Variants in MGAT4D observed in about 807,000 individuals in gnomAD.
MGAT4D encodes the protein MGAT4 family member D.
In MGAT4D, 34 loss-of-function variants were observed where a neutral mutation model predicts 15.9. That is an observed-to-expected ratio of 2.14 (90% CI 1.62 to 2.84). The LOEUF is 2.84. Ranked by LOEUF, MGAT4D falls within the 30% of genes most tolerant of loss-of-function variation. The pLI is 0.00. For synonymous variants in MGAT4D, 112 were observed against 48.2 expected (o/e 2.33, Z -5.49); for missense variants, 327 against 140.2 (o/e 2.33, Z -6.73).
intron 1 of MGAT4D, among the ~76,000 whole-genome samples, chr4:140,496,934 A>C (rs1271028126): frequency 6.6e-6 from 1 of 152,242 alleles, no homozygotes; most frequent in Non-Finnish European, 1.5e-5. Context: ...ATTGTGCTAA[A>C]ATAGACATTT....
At chr4:140,493,533 G>C (rs1733644546) in intron 1 of MGAT4D, among the ~76,000 whole-genome samples, 1 of 151,876 alleles carries the variant, frequency 6.6e-6, no homozygotes, top group Admixed American at 6.6e-5. Context: ...CTGACCTCGT[G>C]ATCTGCCCAC....
chr4:140,485,309 C>A (rs957282560), intron 1 of MGAT4D, among the ~76,000 whole-genome samples: 3 of 151,932 alleles, frequency 2.0e-5, no homozygotes, highest in Non-Finnish European at 4.4e-5. Flanking sequence ...GGACAAAAAA[C>A]CAAACACTGC....
chr4:140,484,817 G>A (rs1209828313), intron 1 of MGAT4D, among the ~76,000 whole-genome samples: 3 of 152,164 alleles, frequency 2.0e-5, no homozygotes, highest in African/African-American at 7.2e-5. Flanking sequence ...ATCATTACTG[G>A]CCATCAGAGA....
chr4:140,477,506 A>G (rs1422801262), intron 3 of MGAT4D, among the ~76,000 whole-genome samples: 2 of 152,340 alleles, frequency 1.3e-5, no homozygotes, highest in African/African-American at 4.8e-5. Flanking sequence ...TCACATTACA[A>G]ATCAGTTATG....
At chr4:140,445,627 T>C (rs187254999) in intron 10 of MGAT4D, among the ~76,000 whole-genome samples, 6 of 152,296 alleles carry the variant, frequency 3.9e-5, no homozygotes, top group Non-Finnish European at 7.4e-5. Context: ...GAATGGTATT[T>C]CCTAGGTTAT....
At chr4:140,452,007 A>T (rs1730503534) in intron 9 of MGAT4D, among the ~76,000 whole-genome samples, 2 of 151,944 alleles carry the variant, frequency 1.3e-5, no homozygotes, top group South Asian at 2.1e-4. Flanking sequence ...AAAAAAAAAA[A>T]AAAAAGAAGG....
rs1729845281 is a variant in MGAT4D at position 140,442,572 on chromosome 4, G to A, written c.*864C>T. 1 of 151,986 alleles carries A rather than the reference G, an allele frequency of 6.6e-6. No homozygotes were observed. The highest frequency in any genetic ancestry group is 2.1e-4 in the South Asian group (1 of 4,828). The allele number at this position is 151,986 out of a possible 1,614,324, so 9.4% of individuals were successfully genotyped here. ...AGAAAGCCTGATATAAGAGAATTTT[G>A]CACCCAATAGATAGGAATACTTTTA... On this transcript the variant is annotated 3_prime_UTR_variant, in exon 11 of 11. Coordinates refer to ENST00000511113, the MANE Select transcript of MGAT4D (RefSeq NM_001277353.2).
intron 1 of MGAT4D, among the ~76,000 whole-genome samples, chr4:140,491,955 T>C (rs1417502530): frequency 6.6e-6 from 1 of 152,038 alleles, no homozygotes; most frequent in Admixed American, 6.5e-5. Context: ...GGTCAAATGG[T>C]GTTGTGCACT....
chr4:140,442,926 T>C lies in MGAT4D; in HGVS notation c.*510A>G, dbSNP rs1305260162. ...AATACATATATATCAAGATGTTTGA[T>C]AATCGGTTCAAATGGCACATAGGGA... On this transcript the variant is annotated 3_prime_UTR_variant, in exon 11 of 11. Coordinates refer to ENST00000511113, the MANE Select transcript of MGAT4D (RefSeq NM_001277353.2). 6.6e-6 allele frequency: 1 copy of C among 152,198 alleles called. No homozygotes were observed. The highest frequency in any genetic ancestry group is 2.1e-4 in the South Asian group (1 of 4,830). The allele number at this position is 152,198 out of a possible 1,614,324, so 9.4% of individuals were successfully genotyped here.
At chr4:140,445,098 T>A (rs1339803469) in intron 10 of MGAT4D, among the ~76,000 whole-genome samples, 1 of 152,106 alleles carries the variant, frequency 6.6e-6, no homozygotes, top group Non-Finnish European at 1.5e-5. Context: ...TTGGCCAGGC[T>A]GGTCTCGAAC....
At chr4:140,494,206 C>A (rs1191120071) in intron 1 of MGAT4D, among the ~76,000 whole-genome samples, 1 of 152,218 alleles carries the variant, frequency 6.6e-6, no homozygotes, top group African/African-American at 2.4e-5. Flanking sequence ...TAATTATCAT[C>A]TCCAGGTGAC....
intron 1 of MGAT4D, among the ~76,000 whole-genome samples, chr4:140,491,336 G>C (rs1364887886): frequency 6.6e-6 from 1 of 152,114 alleles, no homozygotes; most frequent in East Asian, 1.9e-4. Flanking sequence ...TCCATCAAGG[G>C]AAGAGAGATC....
intron 9 of MGAT4D, 103 bp downstream of exon 9, chr4:140,456,486 G>T: frequency 4.8e-6 from 2 of 413,458 alleles, no homozygotes; most frequent in Non-Finnish European, 8.6e-6. Context: ...TTTAAAAATT[G>T]GTGCATTTAT....
chr4:140,491,116 C>T (rs1234562066), intron 1 of MGAT4D, among the ~76,000 whole-genome samples: 1 of 152,172 alleles, frequency 6.6e-6, no homozygotes, highest in Non-Finnish European at 1.5e-5. Flanking sequence ...TGTTATTGTA[C>T]ATGTATTTTA....
rs2110766116 is a variant in MGAT4D at position 140,498,181 on chromosome 4, G to A, written c.42C>T (p.Ala14=). ...AGCAAGAGAAGCTGAACAACGCGACGGCGACCAGGGTGATCAGCAAGTTCA... is the reference window on the plus strand; with the variant it reads ...AGCAAGAGAAGCTGAACAACGCGACAGCGACCAGGGTGATCAGCAAGTTCA... ...KQVNLLITLV[A]VALFSFSCFS... The change falls in exon 1 of 11, where the codon GCC becomes GCT. Residue 14 remains alanine (A), a synonymous_variant. Coordinates refer to ENST00000511113, the MANE Select transcript of MGAT4D (RefSeq NM_001277353.2). The A allele has an allele frequency of 1.4e-6, 1 of 702,622 alleles. No individual in the cohort carries two copies. The highest frequency in any genetic ancestry group is 2.7e-5 in the East Asian group (1 of 37,244). 43.5% of individuals were successfully genotyped at this position (702,622 alleles called of 1,614,324 possible).
intron 3 of MGAT4D, 57 bp downstream of exon 3, chr4:140,479,433 T>C (rs549663898): frequency 5.0e-6 from 2 of 397,924 alleles, no homozygotes; most frequent in South Asian, 1.8e-4. Flanking sequence ...AACTTAAAAG[T>C]ATGTCCCCAA....
At position 140,484,994 on chromosome 4, in the gene MGAT4D, G is replaced by A. The variant is rs567209579; in HGVS notation, c.95-2509C>T. Among the ~76,000 whole-genome samples the A allele has an allele frequency of 5.0e-3, 757 of 152,258 alleles. 11 individuals carry two copies. Among genetic ancestry groups the A allele is most frequent in the African/African-American group, 0.017 (714 of 41,548 alleles). ...CAACCATTGTGGAAGTCAGTGTGGC[G>A]ATTCCTCAGGGATCTAGAACTGGAA... is the stretch of plus-strand genomic sequence containing the variant. On this transcript the variant is annotated intron_variant, in intron 1 of 10. Coordinates refer to ENST00000511113, the MANE Select transcript of MGAT4D (RefSeq NM_001277353.2).
At chr4:140,466,412 G>T (rs1452167625) in intron 5 of MGAT4D, among the ~76,000 whole-genome samples, 2 of 152,148 alleles carry the variant, frequency 1.3e-5, no homozygotes, top group African/African-American at 4.8e-5. Flanking sequence ...ATGATAAAAT[G>T]CTGGAACTGA....
intron 10 of MGAT4D, among the ~76,000 whole-genome samples, chr4:140,451,044 T>C (rs1730441937): frequency 6.6e-6 from 1 of 152,222 alleles, no homozygotes; most frequent in Non-Finnish European, 1.5e-5. Flanking sequence ...ACATTTAAAT[T>C]AAATAGTAGA....
Sources: gnomAD v4.1 joint callset for allele counts (sites outside exome capture counted in the v4.1 genomes callset) on GRCh38, gnomAD v4.1.1 for gene constraint, MANE v1.5 for transcripts, NCBI Gene and HGNC (gene_info 2026-07-23, HGNC 2026-07-21) for gene names.